The following MGMT variants were observed in gnomAD, a reference collection of about 807,000 sequenced individuals.
The protein encoded by MGMT is methylated-DNA--protein-cysteine methyltransferase.
A neutral mutation model predicts 15.9 loss-of-function variants in MGMT; 14 were observed. The ratio of observed to expected loss-of-function variants is 0.88; its 90% CI spans 0.58 to 1.37. The LOEUF (loss-of-function observed/expected upper bound fraction) is 1.37, where lower values mean the gene tolerates loss of function less well. Among genes scored for constraint, MGMT ranks in the 40% most tolerant of loss-of-function variants. The pLI, the probability that MGMT is intolerant of heterozygous loss-of-function variation, is 0.00. For missense variants in MGMT, 282 were observed against 268.1 expected (o/e 1.05, Z -0.36); for synonymous variants, 130 against 118.2 (o/e 1.10, Z -0.65).
chr10:129,531,779 T>TGG (rs1434419226), intron 1 of MGMT, among the ~76,000 whole-genome samples: 1 of 1,024 alleles, frequency 9.8e-4, no homozygotes, highest in African/African-American at 2.7e-3. Context: ...CGGGGGCTGG[T>TGG]GGGGGTGGGG....
intron 2 of MGMT, among the ~76,000 whole-genome samples, chr10:129,584,101 T>C (rs1846590061): frequency 6.6e-6 from 1 of 151,776 alleles, no homozygotes; most frequent in Non-Finnish European, 1.5e-5. Context: ...AAGAGAGAGG[T>C]CAGAGAGTAG....
At chr10:129,474,672 C>A (rs1240660911) in intron 1 of MGMT, among the ~76,000 whole-genome samples, 1 of 152,172 alleles carries the variant, frequency 6.6e-6, no homozygotes, top group Non-Finnish European at 1.5e-5. Flanking sequence ...CTGTTGGGGG[C>A]AACCTGTACG....
chr10:129,605,487 TC>T (rs1455500662), intron 2 of MGMT, among the ~76,000 whole-genome samples: 2 of 152,204 alleles, frequency 1.3e-5, no homozygotes, highest in Non-Finnish European at 2.9e-5. Flanking sequence ...ATTGTAGGTT[TC>T]ATTTGCTGTG....
intron 3 of MGMT, among the ~76,000 whole-genome samples, chr10:129,736,812 C>G (rs1848568074): frequency 6.6e-6 from 1 of 151,938 alleles, no homozygotes; most frequent in African/African-American, 2.4e-5. Flanking sequence ...TTCTCCTTCA[C>G]TTAAGAAGCT....
At chr10:129,629,121 G>A (rs997937719) in intron 2 of MGMT, among the ~76,000 whole-genome samples, 13 of 152,210 alleles carry the variant, frequency 8.5e-5, no homozygotes, top group Non-Finnish European at 1.5e-4. Context: ...GGTCTACACC[G>A]CCATTTTACC....
intron 1 of MGMT, among the ~76,000 whole-genome samples, chr10:129,518,051 C>T (rs35476297): frequency 0.25 from 37,252 of 151,766 alleles, 5,437 homozygotes; most frequent in African/African-American, 0.41. Context: ...GGGGAGGGAG[C>T]GCTGTCTCCA....
At chr10:129,743,799 G>A (rs1848664688) in intron 3 of MGMT, among the ~76,000 whole-genome samples, 1 of 152,260 alleles carries the variant, frequency 6.6e-6, no homozygotes, top group African/African-American at 2.4e-5. Context: ...ATAATAGTGT[G>A]TAAGGCGTAT....
chr10:129,588,116 A>G (rs2133051876), intron 2 of MGMT, among the ~76,000 whole-genome samples: 1 of 152,322 alleles, frequency 6.6e-6, no homozygotes, highest in Middle Eastern at 3.4e-3. Flanking sequence ...AAGAGGAGAG[A>G]TCATGGCCGG....
At chr10:129,691,597 G>A (rs1470052485) in intron 2 of MGMT, among the ~76,000 whole-genome samples, 9 of 152,176 alleles carry the variant, frequency 5.9e-5, no homozygotes, top group Non-Finnish European at 1.3e-4. Context: ...AATAAACGGC[G>A]GTGGCCGGGG....
At chr10:129,499,218 G>A (rs1344620204) in intron 1 of MGMT, among the ~76,000 whole-genome samples, 1 of 152,116 alleles carries the variant, frequency 6.6e-6, no homozygotes, top group Non-Finnish European at 1.5e-5. Flanking sequence ...ATGCTTGCTT[G>A]GTGGAAAAAG....
intron 2 of MGMT, among the ~76,000 whole-genome samples, chr10:129,544,609 G>A (rs544396929): frequency 6.6e-6 from 1 of 152,324 alleles, no homozygotes; most frequent in East Asian, 1.9e-4. Context: ...CTGTTGCGTG[G>A]GTGGGCCACG....
chr10:129,485,308 T>A (rs1030577433), intron 1 of MGMT, among the ~76,000 whole-genome samples: 7 of 152,156 alleles, frequency 4.6e-5, no homozygotes, highest in African/African-American at 1.7e-4. Context: ...TTCTAATCTC[T>A]CTCCCCACTT....
At chr10:129,624,718 G>A (rs891559690) in intron 2 of MGMT, among the ~76,000 whole-genome samples, 3 of 152,190 alleles carry the variant, frequency 2.0e-5, no homozygotes, top group African/African-American at 7.2e-5. Context: ...CGAGGACTTC[G>A]GAAGTCAGTG....
chr10:129,656,986 C>T (rs1847531649), intron 2 of MGMT, among the ~76,000 whole-genome samples: 1 of 152,066 alleles, frequency 6.6e-6, no homozygotes, highest in Admixed American at 6.6e-5. Context: ...GAAAATAGTG[C>T]ACTTCATTTT....
rs543899325 is a variant in MGMT, at chr10:129,573,492, G to A, written c.125+37115G>A. On this transcript the variant is annotated intron_variant, in intron 2 of 4. Transcript: ENST00000651593. ...AAATTTATGAGGTGCTTACACAAAG[G>A]CCTTTTTAACCTTAAGATTTTTTTT... 1.5e-3 allele frequency among the ~76,000 whole-genome samples: 228 copies of A among 152,118 alleles called. 2 individuals carry two copies. Among genetic ancestry groups the A allele is most frequent in the African/African-American group, 5.3e-3 (219 of 41,530 alleles).
intron 2 of MGMT, among the ~76,000 whole-genome samples, chr10:129,668,470 A>G (rs1847684807): frequency 6.6e-6 from 1 of 152,190 alleles, no homozygotes. Context: ...AGCATGAGAC[A>G]TGGGACATCT....
intron 2 of MGMT, among the ~76,000 whole-genome samples, chr10:129,558,056 C>T (rs903815791): frequency 1.3e-5 from 2 of 152,162 alleles, no homozygotes; most frequent in Non-Finnish European, 2.9e-5. Context: ...CCTTGGCCCC[C>T]GTAACACCAC....
At chr10:129,683,246 C>A (rs1443273515) in intron 2 of MGMT, among the ~76,000 whole-genome samples, 2 of 152,200 alleles carry the variant, frequency 1.3e-5, no homozygotes, top group Admixed American at 1.3e-4. Context: ...AGTGCAAGTG[C>A]CTGCGTAGGA....
At chr10:129,620,987 T>A (rs779826972) in intron 2 of MGMT, among the ~76,000 whole-genome samples, 7 of 152,204 alleles carry the variant, frequency 4.6e-5, no homozygotes, top group Non-Finnish European at 7.3e-5. Flanking sequence ...GTACTTTTTG[T>A]TAGAAATTCC....
Sources: gnomAD v4.1 joint callset for allele counts (sites outside exome capture counted in the v4.1 genomes callset) on GRCh38, gnomAD v4.1.1 for gene constraint, MANE v1.5 for transcripts, NCBI Gene and HGNC (gene_info 2026-07-23, HGNC 2026-07-21) for gene names.